KCNQ3: variants seen among roughly 807,000 people sequenced by gnomAD.
The protein encoded by KCNQ3 is potassium voltage-gated channel subfamily KQT member 3.
In KCNQ3, 30 loss-of-function variants were observed where a neutral mutation model predicts 92.5. The observed-to-expected ratio is 0.32, with a 90% CI of 0.24 to 0.44. The LOEUF is 0.44. KCNQ3 is among the 20% of genes least tolerant of loss of function. The pLI is 1.00. For synonymous variants in KCNQ3, 450 were observed against 468.8 expected, an observed-to-expected ratio of 0.96 and a Z score of 0.52; for missense variants, 913 against 1,140.3, an observed-to-expected ratio of 0.80 and a Z score of 2.87.
At chr8:132,371,716 AGG>A (rs1273060738) in intron 1 of KCNQ3, among the ~76,000 whole-genome samples, 1 of 152,230 alleles carries the variant, frequency 6.6e-6, no homozygotes, top group Non-Finnish European at 1.5e-5. Flanking sequence ...TCCACGAAGA[AGG>A]TAAAGCTTTA....
At chr8:132,156,965 T>C (rs1208993549) in intron 9 of KCNQ3, among the ~76,000 whole-genome samples, 1 of 152,112 alleles carries the variant, frequency 6.6e-6, no homozygotes, top group East Asian at 1.9e-4. Flanking sequence ...AGCCCAAGGA[T>C]CAGCATGAAC....
intron 1 of KCNQ3, among the ~76,000 whole-genome samples, chr8:132,191,188 C>T (rs929130603): frequency 3.3e-5 from 5 of 152,002 alleles, no homozygotes; most frequent in African/African-American, 4.8e-5. Flanking sequence ...ATTCTGTCAC[C>T]CAGGTGGGAA....
At chr8:132,136,762 GTAT>G (rs1216599411) in intron 12 of KCNQ3, among the ~76,000 whole-genome samples, 2 of 151,478 alleles carry the variant, frequency 1.3e-5, no homozygotes, top group East Asian at 1.9e-4. Flanking sequence ...ATGTCCGCAT[GTAT>G]TATTGGTAAT....
At chr8:132,443,837 A>C (rs1821601956) in intron 1 of KCNQ3, among the ~76,000 whole-genome samples, 2 of 152,108 alleles carry the variant, frequency 1.3e-5, no homozygotes, top group Non-Finnish European at 2.9e-5. Flanking sequence ...CAGGTCACCC[A>C]GCCCTCTGAC....
At chr8:132,159,376 T>G (rs9693071) in intron 9 of KCNQ3, among the ~76,000 whole-genome samples, 18,236 of 152,116 alleles carry the variant, frequency 0.12, 1,512 homozygotes, top group African/African-American at 0.23. Flanking sequence ...TAATGGGGGT[T>G]GCTAAGTATA....
At chr8:132,253,642 C>G (rs1300986236) in intron 1 of KCNQ3, among the ~76,000 whole-genome samples, 2 of 152,204 alleles carry the variant, frequency 1.3e-5, no homozygotes, top group Non-Finnish European at 2.9e-5. Context: ...CTGCTTTATA[C>G]ATTTATTCTC....
chr8:132,302,483 T>C (rs1435494719), intron 1 of KCNQ3, among the ~76,000 whole-genome samples: 4 of 152,248 alleles, frequency 2.6e-5, no homozygotes, highest in African/African-American at 9.6e-5. Flanking sequence ...CATTTGCAGT[T>C]TGAGCCACTG....
chr8:132,433,665 G>A (rs1380333208), intron 1 of KCNQ3, among the ~76,000 whole-genome samples: 3 of 151,888 alleles, frequency 2.0e-5, no homozygotes, highest in Non-Finnish European at 4.4e-5. Flanking sequence ...CAAGGCAGGC[G>A]GATCACCTGA....
At chr8:132,137,767 T>G in intron 12 of KCNQ3, 118 bp downstream of exon 12, 1 of 1,273,098 alleles carries the variant, frequency 7.9e-7, no homozygotes. Flanking sequence ...TCGTGGATAT[T>G]TGTCTTCTTA....
intron 1 of KCNQ3, among the ~76,000 whole-genome samples, chr8:132,288,269 T>C (rs777753522): frequency 1.5e-4 from 23 of 152,236 alleles, no homozygotes; most frequent in Non-Finnish European, 3.1e-4. Context: ...CCACAAACAC[T>C]ACATGAGAGG....
chr8:132,153,956 T>A (rs1825715002), intron 9 of KCNQ3, among the ~76,000 whole-genome samples: 1 of 151,672 alleles, frequency 6.6e-6, no homozygotes, highest in Non-Finnish European at 1.5e-5. Flanking sequence ...CTGTACCCCT[T>A]TCAAATGCAT....
chr8:132,157,552 C>T (rs1563777679), intron 9 of KCNQ3, among the ~76,000 whole-genome samples: 1 of 152,228 alleles, frequency 6.6e-6, no homozygotes, highest in Non-Finnish European at 1.5e-5. Flanking sequence ...AGAGTGTCTG[C>T]TCTGTCCCTG....
chr8:132,262,686 G>A (rs976681351), intron 1 of KCNQ3, among the ~76,000 whole-genome samples: 1 of 150,386 alleles, frequency 6.6e-6, no homozygotes, highest in African/African-American at 2.4e-5. Flanking sequence ...GACATGAGCT[G>A]AGGAGGGTGG....
chr8:132,128,424 G>C lies in KCNQ3; in HGVS notation c.*838C>G, dbSNP rs751852830. ...ATTCATTTTAAAGGCACTGAACTCA[G>C]CTCCTGCCCAGAGGGGCACTTCACT... On this transcript the variant is annotated 3_prime_UTR_variant, in exon 15 of 15. Coordinates refer to ENST00000388996, the MANE Select transcript of KCNQ3 (RefSeq NM_004519.4). 12 of 152,102 alleles carry C rather than the reference G, an allele frequency of 7.9e-5. No homozygotes were observed. Among genetic ancestry groups the C allele is most frequent in the Non-Finnish European group, 1.3e-4 (9 of 68,024 alleles). 9.4% of individuals were successfully genotyped at this position (152,102 alleles called of 1,614,324 possible). A position where few individuals can be genotyped will look rare whatever the true frequency, so the allele number is the denominator to read the frequency against.
chr8:132,273,375 A>T (rs1563835170), intron 1 of KCNQ3, among the ~76,000 whole-genome samples: 1 of 152,222 alleles, frequency 6.6e-6, no homozygotes, highest in Non-Finnish European at 1.5e-5. Context: ...GGCCCCTTTT[A>T]GTCATGGCTG....
In KCNQ3 at chr8:132,358,857, T is replaced by C. The variant is rs376467704; in HGVS notation, c.386+121290A>G. Among the ~76,000 whole-genome samples, 7 of 152,290 alleles carry C rather than the reference T, an allele frequency of 4.6e-5. No homozygotes were observed. In the South Asian group the frequency reaches 8.3e-4, roughly 18 times the overall value. On this transcript the variant is annotated intron_variant, in intron 1 of 14. Coordinates refer to ENST00000388996, the MANE Select transcript of KCNQ3 (RefSeq NM_004519.4). ...CTCAAAAGGGACTGTGAGTACCTAA[T>C]GGCCAAGGATCCCTGGCCTACATAA... is the stretch of plus-strand genomic sequence containing the variant.
At chr8:132,168,920 G>A (rs1034131929) in intron 8 of KCNQ3, among the ~76,000 whole-genome samples, 1 of 151,950 alleles carries the variant, frequency 6.6e-6, no homozygotes, top group Non-Finnish European at 1.5e-5. Flanking sequence ...GAGGCTAACT[G>A]TCCATCTATG....
At chr8:132,181,819 C>T (rs932380249) in intron 3 of KCNQ3, among the ~76,000 whole-genome samples, 2 of 151,948 alleles carry the variant, frequency 1.3e-5, no homozygotes, top group Non-Finnish European at 2.9e-5. Context: ...TTTGGGAGGC[C>T]GAGGCGGGCA....
chr8:132,462,267 C>T (rs1013497580), intron 1 of KCNQ3, among the ~76,000 whole-genome samples: 1 of 151,946 alleles, frequency 6.6e-6, no homozygotes, highest in African/African-American at 2.4e-5. Flanking sequence ...GGCGCTATCT[C>T]GGCTCACTGC....
Sources: gnomAD v4.1 joint callset for allele counts (sites outside exome capture counted in the v4.1 genomes callset) on GRCh38, gnomAD v4.1.1 for gene constraint, MANE v1.5 for transcripts, NCBI Gene and HGNC (gene_info 2026-07-23, HGNC 2026-07-21) for gene names.